KCNK9: variants seen among roughly 807,000 people sequenced by gnomAD.
KCNK9 encodes potassium two pore domain channel subfamily K member 9.
KCNK9 carries 1 observed loss-of-function variant against 10.8 expected under a neutral mutation model. That is an observed-to-expected ratio of 0.09 (90% confidence interval 0.03 to 0.44). The LOEUF is 0.44. Ranked by LOEUF, KCNK9 falls within the 20% of genes least tolerant of loss-of-function variation. The pLI, the probability that KCNK9 is intolerant of heterozygous loss-of-function variation, is 0.97. For missense variants in KCNK9, 303 were observed against 515.0 expected (o/e 0.59, Z 3.98); for synonymous variants, 231 against 222.7 (o/e 1.04, Z -0.33).
At position 139,702,607 on chromosome 8, in the gene KCNK9, G is replaced by C; in HGVS notation, c.283+103C>G. The C allele has an allele frequency of 2.4e-6, 3 of 1,248,456 alleles. No homozygotes were observed. The highest frequency in any genetic ancestry group is 3.3e-6 in the Non-Finnish European group (3 of 914,246). 77.3% of individuals were successfully genotyped at this position (1,248,456 alleles called of 1,614,324 possible). Reference sequence around the variant, plus strand: ...CGGGAAGGCCCCCAAGGGAGGCTGCGTTTAACCCTCGACGCCCTGCACCCA... The same window carrying C: ...CGGGAAGGCCCCCAAGGGAGGCTGCCTTTAACCCTCGACGCCCTGCACCCA... On this transcript the variant is annotated intron_variant, in intron 1 of 1. Transcript: ENST00000520439. The surrounding 1 kb of genome is among the most constrained non-coding windows in gnomAD (Gnocchi z 7.5).
At chr8:139,688,517 C>T (rs1016449306) in intron 1 of KCNK9, among the ~76,000 whole-genome samples, 1 of 152,168 alleles carries the variant, frequency 6.6e-6, no homozygotes, top group African/African-American at 2.4e-5. Flanking sequence ...ATGGGACTGC[C>T]CACATGATCC....
downstream of KCNK9, among the ~76,000 whole-genome samples, chr8:139,614,351 T>G (rs1224127113): frequency 6.6e-6 from 1 of 152,214 alleles, no homozygotes; most frequent in Non-Finnish European, 1.5e-5. Flanking sequence ...GAGGCTTTTG[T>G]GGACAGTGGT....
At chr8:139,602,585 A>G (rs1041358679) in intron 2 of KCNK9, among the ~76,000 whole-genome samples, 1 of 152,310 alleles carries the variant, frequency 6.6e-6, no homozygotes, top group Non-Finnish European at 1.5e-5. Context: ...GATGATAGGA[A>G]CTGCTTAGCA....
chr8:139,643,136 T>A (rs1165691266), intron 1 of KCNK9, among the ~76,000 whole-genome samples: 1 of 152,114 alleles, frequency 6.6e-6, no homozygotes, highest in African/African-American at 2.4e-5. Context: ...ATGGGCCAAG[T>A]GGGATTCTCA....
rs1816979601 is a variant in KCNK9, at chr8:139,693,527, T to C, written c.283+9183A>G. Among the ~76,000 whole-genome samples, 1 of 151,918 alleles carries C rather than the reference T, an allele frequency of 6.6e-6. No individual in the cohort carries two copies. Among genetic ancestry groups the C allele is most frequent in the African/African-American group, 2.4e-5 (1 of 41,332 alleles). On this transcript the variant is annotated intron_variant, in intron 1 of 1. Transcript: ENST00000520439. This position sits in a 1 kb window ranked among gnomAD's most constrained non-coding sequence, Gnocchi z 4.1. The stretch of plus-strand genomic sequence containing the variant: ...GTACCAGCCAGTGTCCAGCCAGCCT[T>C]CCCTGAGCACCTGCTATGGGCCTGG...
chr8:139,672,433 A>G (rs1312623502), intron 1 of KCNK9, among the ~76,000 whole-genome samples: 1 of 152,188 alleles, frequency 6.6e-6, no homozygotes, highest in Non-Finnish European at 1.5e-5. Context: ...ACCACATCTG[A>G]AGACAAAATC....
intron 1 of KCNK9, among the ~76,000 whole-genome samples, chr8:139,659,120 G>A (rs1247545869): frequency 6.6e-6 from 1 of 152,246 alleles, no homozygotes; most frequent in African/African-American, 2.4e-5. Context: ...CTTTGTGAGA[G>A]TCAAATGAAT....
At position 139,617,947 on chromosome 8, in the gene KCNK9, A is replaced by G; in HGVS notation, c.*311T>C. 2 of 384,842 alleles carry G rather than the reference A, an allele frequency of 5.2e-6. No individual in the cohort carries two copies. Among genetic ancestry groups the G allele is most frequent in the Admixed American group, 7.6e-5 (2 of 26,180 alleles). The allele number at this position is 384,842 out of a possible 1,614,324, so 23.8% of individuals were successfully genotyped here. A position where few individuals can be genotyped will look rare whatever the true frequency, so the allele number is the denominator to read the frequency against. ...GTCTCACATCTGTCCCGGGAAAACC[A>G]CTGCAGAGATGATGGGGTGGGTGGG... On this transcript the variant is annotated 3_prime_UTR_variant, in exon 2 of 2. Coordinates refer to ENST00000520439, the MANE Select transcript of KCNK9 (RefSeq NM_001282534.2).
At chr8:139,674,289 C>G (rs1200021344) in intron 1 of KCNK9, among the ~76,000 whole-genome samples, 3 of 152,284 alleles carry the variant, frequency 2.0e-5, no homozygotes, top group African/African-American at 7.2e-5. Flanking sequence ...TGCGAGGATA[C>G]AGCAGGAGGG....
chr8:139,639,824 C>T (rs865872001), intron 1 of KCNK9, among the ~76,000 whole-genome samples: 2 of 152,216 alleles, frequency 1.3e-5, no homozygotes, highest in East Asian at 1.9e-4. Flanking sequence ...CAGGGGCATG[C>T]GCCAGCCCTA....
At chr8:139,638,801 G>A (rs1176861061) in intron 1 of KCNK9, among the ~76,000 whole-genome samples, 1 of 152,182 alleles carries the variant, frequency 6.6e-6, no homozygotes, top group Non-Finnish European at 1.5e-5. Flanking sequence ...GGAGTCCCCA[G>A]GTTCCCCGGC....
chr8:139,671,488 G>A (rs111561266), intron 1 of KCNK9, among the ~76,000 whole-genome samples: 1,638 of 150,944 alleles, frequency 0.011, 24 homozygotes, highest in African/African-American at 0.038. Flanking sequence ...ACTTGCTGGC[G>A]TTCATTCTTC....
intron 1 of KCNK9, among the ~76,000 whole-genome samples, chr8:139,649,953 C>T (rs1001342919): frequency 2.0e-5 from 3 of 152,146 alleles, no homozygotes; most frequent in East Asian, 1.9e-4. Flanking sequence ...GGGAGGGACA[C>T]CAAGGGAAGA....
intron 1 of KCNK9, among the ~76,000 whole-genome samples, chr8:139,667,765 A>G (rs371528394): frequency 2.6e-5 from 4 of 152,080 alleles, no homozygotes; most frequent in East Asian, 3.9e-4. Context: ...CCTCCAACAT[A>G]GGAGAACAAT....
At chr8:139,619,159 G>T in intron 1 of KCNK9, 60 bp from the exon 2 acceptor site, 3 of 1,596,912 alleles carry the variant, frequency 1.9e-6, no homozygotes, top group South Asian at 1.1e-5. Flanking sequence ...AGAGGTTGGG[G>T]GAAGGGAGGG....
At chr8:139,609,096 G>C (rs924390127), downstream of KCNK9, among the ~76,000 whole-genome samples, 2 of 81,986 alleles carry the variant, frequency 2.4e-5, no homozygotes, top group African/African-American at 1.3e-4. Context: ...CAATCTGAGG[G>C]ACCCATCCCA....
intron 1 of KCNK9, among the ~76,000 whole-genome samples, chr8:139,695,832 C>T (rs1817036962): frequency 6.6e-6 from 1 of 152,148 alleles, no homozygotes. Flanking sequence ...CTCCATGTTT[C>T]CCTCATCCTC....
intron 1 of KCNK9, among the ~76,000 whole-genome samples, chr8:139,647,065 C>G (rs966521075): frequency 6.6e-6 from 1 of 152,260 alleles, no homozygotes; most frequent in Non-Finnish European, 1.5e-5. Context: ...CTCTCCCGCC[C>G]TCTGTTGGCG....
chr8:139,631,136 A>G (rs985727850), intron 1 of KCNK9, among the ~76,000 whole-genome samples: 7 of 152,278 alleles, frequency 4.6e-5, no homozygotes, highest in African/African-American at 1.7e-4. Context: ...TCCAGAACGC[A>G]GGAATCATCT....
Sources: gnomAD v4.1 joint callset for allele counts (sites outside exome capture counted in the v4.1 genomes callset) on GRCh38, gnomAD v4.1.1 for gene constraint, Gnocchi (gnomAD v3.1) non-coding constraint, MANE v1.5 for transcripts, NCBI Gene and HGNC (gene_info 2026-07-23, HGNC 2026-07-21) for gene names.